MYL3: variants seen among roughly 807,000 people sequenced by gnomAD.
MYL3 encodes the protein myosin light chain 3.
A neutral mutation model predicts 21.3 loss-of-function variants in MYL3; 11 were observed. The ratio of observed to expected loss-of-function variants is 0.52; its 90% CI spans 0.32 to 0.85. MYL3 has a LOEUF of 0.85. Ranked by LOEUF, MYL3 falls within the 40% of genes least tolerant of loss-of-function variation. The probability of loss-of-function intolerance (pLI) is 0.03; values close to 1 mark genes in which losing one functional copy is unlikely to be tolerated. For missense variants in MYL3, 206 were observed against 253.3 expected (o/e 0.81, Z 1.27); for synonymous variants, 88 against 91.6 (o/e 0.96, Z 0.22).
chr3:46,874,508 C>G lies in MYL3; in HGVS notation c.-218+7566G>C, dbSNP rs549677687. Among the ~76,000 whole-genome samples, 92 of 152,318 alleles carry G rather than the reference C, an allele frequency of 6.0e-4. No individual in the cohort carries two copies. The highest frequency in any genetic ancestry group is 1.4e-3 in the Admixed American group (22 of 15,306). ...CCAGTGTCTGAGCTAACCCCCTCCCCACCACCTCCTCCTTCCTGGCCCCCT... is the reference window on the plus strand; with the variant it reads ...CCAGTGTCTGAGCTAACCCCCTCCCGACCACCTCCTCCTTCCTGGCCCCCT... On this transcript the variant is annotated intron_variant, in intron 1 of 3. Coordinates refer to the MYL3 transcript ENST00000431168. This position sits in a 1 kb window ranked among gnomAD's most constrained non-coding sequence, Gnocchi z 4.1.
Position 46,881,705 on chromosome 3 carries a change from G to A in MYL3, c.-218+369C>T, listed in dbSNP as rs939127346. 6.6e-5 allele frequency among the ~76,000 whole-genome samples: 10 copies of A among 152,064 alleles called. No individual in the cohort carries two copies. In the East Asian group the frequency reaches 1.9e-3, roughly 30 times the overall value. On this transcript the variant is annotated intron_variant, in intron 1 of 3. Coordinates refer to the MYL3 transcript ENST00000431168. ...AGGCCTGGGATGGGACTGAGGGCAG[G>A]GGACGAGGCGAGGGTGGGGCTGGAC...
At position 46,874,735 on chromosome 3, in the gene MYL3, CCA is replaced by C. The variant is rs1553640539; in HGVS notation, c.-218+7337_-218+7338del. Among the ~76,000 whole-genome samples, 2 of 151,664 alleles carry C rather than the reference CCA, an allele frequency of 1.3e-5. No homozygotes were observed. Among genetic ancestry groups the C allele is most frequent in the African/African-American group, 4.8e-5 (2 of 41,252 alleles). ...GGTATTCCGAGGCACAGACCCCCCC[CCA>C]CACACACAATAGGGACGCACTAGGC... On this transcript the variant is annotated intron_variant, in intron 1 of 3. Coordinates refer to the MYL3 transcript ENST00000431168. This position sits in a 1 kb window ranked among gnomAD's most constrained non-coding sequence, Gnocchi z 4.1.
At position 46,859,770 on chromosome 3, in the gene MYL3, T is replaced by A; in HGVS notation, c.308-122A>T. The A allele has an allele frequency of 8.5e-7, 1 of 1,176,818 alleles. No homozygotes were observed. The highest frequency in any genetic ancestry group is 1.3e-6 in the Non-Finnish European group (1 of 791,462). The allele number at this position is 1,176,818 out of a possible 1,614,324, so 72.9% of individuals were successfully genotyped here. ...CAGTTCTACAACAGTCTACACCAGTTCTCACAGCAGTCTACACCAGTTTGC... is the reference window on the plus strand; with the variant it reads ...CAGTTCTACAACAGTCTACACCAGTACTCACAGCAGTCTACACCAGTTTGC... On this transcript the variant is annotated intron_variant, in intron 3 of 6. Transcript: ENST00000292327. The surrounding 1 kb of genome is among the most constrained non-coding windows in gnomAD (Gnocchi z 4.1).
upstream of MYL3, among the ~76,000 whole-genome samples, chr3:46,866,124 A>T (rs1279917218): frequency 3.6e-5 from 1 of 27,540 alleles, no homozygotes; most frequent in African/African-American, 1.4e-4. Context: ...GGAGGGAGGG[A>T]GGGTGGGCAG....
chr3:46,865,236 AACACCCAC>A (rs1702036927), upstream of MYL3, among the ~76,000 whole-genome samples: 2 of 151,900 alleles, frequency 1.3e-5, no homozygotes, highest in Admixed American at 6.6e-5. This position sits in a 1 kb window ranked among gnomAD's most constrained non-coding sequence, Gnocchi z 4.3. Context: ...TGGAGGGCAG[AACACCCAC>A]ATCTGGAAAT....
At chr3:46,862,566 C>CCCAGCCAAGA (rs1702003501) in intron 1 of MYL3, among the ~76,000 whole-genome samples, 1 of 152,170 alleles carries the variant, frequency 6.6e-6, no homozygotes, top group African/African-American at 2.4e-5. Flanking sequence ...GCAGGCAGGA[C>CCCAGCCAAGA]ACAGGGTACG....
chr3:46,878,359 G>A (rs559818477), intron 1 of MYL3, among the ~76,000 whole-genome samples: 115 of 147,226 alleles, frequency 7.8e-4, no homozygotes, highest in Non-Finnish European at 1.4e-3. Flanking sequence ...CCTAGAAGCC[G>A]AGAGAGGTCT....
chr3:46,869,066 C>A (rs897838160), intron 1 of MYL3, among the ~76,000 whole-genome samples: 1 of 152,026 alleles, frequency 6.6e-6, no homozygotes. Flanking sequence ...CAGCCCTGAG[C>A]CCCAGCTCCC....
chr3:46,860,650 TG>T lies in MYL3; in HGVS notation c.307+25del. ...GCCAGTCTCCCCGGTACTAACACTA[TG>T]GGGGCTCTCGGGCAGGTGCACTACC... On this transcript the variant is annotated intron_variant, in intron 3 of 6. Transcript: ENST00000292327. This position sits in a 1 kb window ranked among gnomAD's most constrained non-coding sequence, Gnocchi z 4.6. The T allele has an allele frequency of 1.2e-6, 2 of 1,611,662 alleles. No homozygotes were observed. Among genetic ancestry groups the T allele is most frequent in the Non-Finnish European group, 1.7e-6 (2 of 1,179,986 alleles).
intron 1 of MYL3, among the ~76,000 whole-genome samples, chr3:46,871,151 A>G (rs1428988109): frequency 1.3e-5 from 2 of 152,198 alleles, no homozygotes; most frequent in Admixed American, 1.3e-4. Flanking sequence ...AAGAACACCC[A>G]GGTATAATTT....
chr3:46,860,718 G>C lies in MYL3; in HGVS notation c.265C>G (p.Gln89Glu). The change falls in exon 3 of 7, where the codon CAG becomes GAG. Residue 89 changes from glutamine (Q) to glutamate (E), a missense_variant. Gln to Glu is a conservative substitution (Grantham distance 29). Coordinates refer to ENST00000292327, the MANE Select transcript of MYL3 (RefSeq NM_000258.3). This position sits in a 1 kb window ranked among gnomAD's most constrained non-coding sequence, Gnocchi z 4.6. ...VLRALGQNPT[Q>E]AEVLRVLGKP... ...CCCAGGACACGGAGCACTTCTGCCT[G>C]TGTGGGGTTCTGGCCCAGCGCCCGC... 1 of 1,614,176 alleles carries C rather than the reference G, an allele frequency of 6.2e-7. No homozygotes were observed. Among genetic ancestry groups the C allele is most frequent in the Non-Finnish European group, 8.5e-7 (1 of 1,180,032 alleles).
rs1021468153 is a variant in MYL3, at chr3:46,860,392, A to T, written c.307+284T>A. Among the ~76,000 whole-genome samples, 1 of 152,140 alleles carries T rather than the reference A, an allele frequency of 6.6e-6. No individual in the cohort carries two copies. On this transcript the variant is annotated intron_variant, in intron 3 of 6. Coordinates refer to ENST00000292327, the MANE Select transcript of MYL3 (RefSeq NM_000258.3). The surrounding 1 kb of genome is among the most constrained non-coding windows in gnomAD (Gnocchi z 4.6). The stretch of plus-strand genomic sequence containing the variant: ...CCTCCCAAAGCATTGGGATGACAGC[A>T]TCCCACTGCCCACTGCTGTCACTGC...
At chr3:46,866,689 C>T (rs555917531), upstream of MYL3, 2 of 152,290 alleles carry the variant, frequency 1.3e-5, no homozygotes, top group African/African-American at 4.8e-5. Flanking sequence ...GTACTGGAAC[C>T]CCTTGCTAAA....
intron 1 of MYL3, among the ~76,000 whole-genome samples, chr3:46,881,759 G>A (rs1258327455): frequency 2.0e-5 from 3 of 152,150 alleles, no homozygotes; most frequent in Admixed American, 2.0e-4. Flanking sequence ...AGCCAAGCCG[G>A]GCTCGGGGCT....
chr3:46,880,623 C>T (rs972753482), intron 1 of MYL3, among the ~76,000 whole-genome samples: 15 of 152,054 alleles, frequency 9.9e-5, no homozygotes, highest in Admixed American at 5.2e-4. Flanking sequence ...ACCTGTAGTC[C>T]CAGCTACTTG....
intron 6 of MYL3, 26 bp downstream of exon 6, chr3:46,858,205 G>A (rs760847468): frequency 8.7e-5 from 141 of 1,613,238 alleles, no homozygotes; most frequent in Non-Finnish European, 1.2e-4. Flanking sequence ...TGGCAGCAGC[G>A]GGTTCAGGAG....
At chr3:46,866,053 G>A (rs1000045705), upstream of MYL3, among the ~76,000 whole-genome samples, 8 of 147,102 alleles carry the variant, frequency 5.4e-5, no homozygotes, top group South Asian at 2.3e-4. Context: ...CAGGCACACC[G>A]AGACCAGGAG....
chr3:46,877,546 G>A (rs887242852), intron 1 of MYL3, among the ~76,000 whole-genome samples: 5 of 152,188 alleles, frequency 3.3e-5, no homozygotes, highest in Non-Finnish European at 7.3e-5. Context: ...GGGTGCTGAG[G>A]GGAGGGCCCA....
At chr3:46,872,663 T>A (rs940492444) in intron 1 of MYL3, among the ~76,000 whole-genome samples, 10 of 152,220 alleles carry the variant, frequency 6.6e-5, no homozygotes, top group Non-Finnish European at 1.5e-4. Context: ...CAGCAGCAGC[T>A]GCAGGGACAG....
Sources: allele counts gnomAD v4.1 joint callset (sites outside exome capture counted in the v4.1 genomes callset), GRCh38; gene constraint gnomAD v4.1.1; non-coding constraint Gnocchi (gnomAD v3.1); transcripts MANE v1.5; gene names NCBI Gene and HGNC (gene_info 2026-07-23, HGNC 2026-07-21).